The following PTN variants were observed in gnomAD, a reference collection of about 807,000 sequenced individuals.
The protein encoded by PTN is heparin affin regulatory protein.
PTN carries 18 observed loss-of-function variants against 24.1 expected under a neutral mutation model. That is an observed-to-expected ratio of 0.75 (90% CI 0.52 to 1.11). The LOEUF (loss-of-function observed/expected upper bound fraction) is 1.11, where lower values mean the gene tolerates loss of function less well. Among genes scored for constraint, PTN ranks in the 50% least tolerant of loss-of-function variants. The pLI is 0.00. For missense variants in PTN, 163 were observed against 198.8 expected (o/e 0.82, Z 1.08); for synonymous variants, 78 against 68.6 (o/e 1.14, Z -0.67).
intron 1 of PTN, among the ~76,000 whole-genome samples, chr7:137,313,964 T>G (rs1026964901): frequency 2.6e-5 from 4 of 152,164 alleles, no homozygotes; most frequent in African/African-American, 9.6e-5. Flanking sequence ...AGGTGCTGGT[T>G]TCTGAGAAGG....
chr7:137,312,752 TAA>T (rs1810005040), intron 1 of PTN, among the ~76,000 whole-genome samples: 1 of 152,152 alleles, frequency 6.6e-6, no homozygotes, highest in South Asian at 2.1e-4. Flanking sequence ...AAATTTTCAA[TAA>T]AGTTACACTC....
intron 1 of PTN, among the ~76,000 whole-genome samples, chr7:137,262,973 A>T (rs1044080816): frequency 6.6e-6 from 1 of 152,158 alleles, no homozygotes; most frequent in Non-Finnish European, 1.5e-5. Context: ...ATAAAACAAC[A>T]TGAGAGGGTC....
chr7:137,283,616 A>T (rs1809506839), intron 1 of PTN, among the ~76,000 whole-genome samples: 1 of 152,190 alleles, frequency 6.6e-6, no homozygotes, highest in Non-Finnish European at 1.5e-5. Flanking sequence ...GTGGCCTTAT[A>T]GTTTGATAAG....
At chr7:137,278,699 G>C (rs1809412395) in intron 1 of PTN, among the ~76,000 whole-genome samples, 1 of 151,654 alleles carries the variant, frequency 6.6e-6, no homozygotes, top group Non-Finnish European at 1.5e-5. Context: ...CCAGCACTTT[G>C]GGAGGCCAAA....
At chr7:137,316,037 C>T (rs1312836984) in intron 1 of PTN, among the ~76,000 whole-genome samples, 1 of 152,144 alleles carries the variant, frequency 6.6e-6, no homozygotes, top group African/African-American at 2.4e-5. Context: ...ATTTCTTGTG[C>T]TAACTGGGTG....
At chr7:137,289,481 G>A (rs1034262733) in intron 1 of PTN, among the ~76,000 whole-genome samples, 12 of 152,146 alleles carry the variant, frequency 7.9e-5, no homozygotes, top group African/African-American at 2.7e-4. Flanking sequence ...TGACATTAAG[G>A]TTCCAAATCA....
chr7:137,343,488 G>C lies in PTN; in HGVS notation c.-51C>G, dbSNP rs931226186. ...GCGCTCAGTCTGCCTTTGTTGCAAGGGGCGAGGTTGCTACCGCTGAGTCCA... is the reference window on the plus strand; with the variant it reads ...GCGCTCAGTCTGCCTTTGTTGCAAGCGGCGAGGTTGCTACCGCTGAGTCCA... On this transcript the variant is annotated 5_prime_UTR_variant, in exon 1 of 5. Transcript: ENST00000348225. The C allele has an allele frequency of 3.9e-6, 2 of 518,624 alleles. No homozygotes were observed. The highest frequency in any genetic ancestry group is 1.9e-5 in the Admixed American group (1 of 51,540). The allele number at this position is 518,624 out of a possible 1,614,324, so 32.1% of individuals were successfully genotyped here.
intron 4 of PTN, 149 bp downstream of exon 4, chr7:137,251,081 G>T: frequency 2.2e-6 from 2 of 912,508 alleles, no homozygotes; most frequent in Non-Finnish European, 3.3e-6. Context: ...TATTTTTAAA[G>T]TATTTTTGTG....
intron 1 of PTN, among the ~76,000 whole-genome samples, chr7:137,321,226 T>C (rs943566895): frequency 6.6e-6 from 1 of 152,196 alleles, no homozygotes; most frequent in Non-Finnish European, 1.5e-5. Context: ...AACTCTGAGG[T>C]TAATACCAGT....
At chr7:137,253,867 T>C (rs553266635) in intron 2 of PTN, among the ~76,000 whole-genome samples, 3 of 152,310 alleles carry the variant, frequency 2.0e-5, no homozygotes, top group African/African-American at 7.2e-5. Flanking sequence ...CTAATATTAA[T>C]TGAACTCCCT....
At chr7:137,232,335 G>A (rs143594035) in intron 4 of PTN, among the ~76,000 whole-genome samples, 102 of 152,010 alleles carry the variant, frequency 6.7e-4, no homozygotes, top group Middle Eastern at 3.4e-3. Context: ...TTAACTTCCT[G>A]GGTTTTCAAA....
chr7:137,274,561 G>A (rs1789060299), intron 1 of PTN, among the ~76,000 whole-genome samples: 2 of 151,642 alleles, frequency 1.3e-5, no homozygotes, highest in South Asian at 4.2e-4. Flanking sequence ...CCCTCCCTGT[G>A]TCCATGTGTT....
At chr7:137,289,960 AT>A (rs1019063934) in intron 1 of PTN, among the ~76,000 whole-genome samples, 4 of 152,168 alleles carry the variant, frequency 2.6e-5, no homozygotes, top group African/African-American at 9.7e-5. Context: ...GTATTAGTCC[AT>A]TTTCATGCTG....
chr7:137,296,979 T>C (rs1332016780), intron 1 of PTN, among the ~76,000 whole-genome samples: 1 of 152,026 alleles, frequency 6.6e-6, no homozygotes, highest in African/African-American at 2.4e-5. Flanking sequence ...GCACAAAAGA[T>C]TCAAAAAGTA....
rs1808366211 is a variant in PTN, at chr7:137,228,153, C to T, written c.452-78G>A. On this transcript the variant is annotated intron_variant, in intron 4 of 4. Coordinates refer to ENST00000348225, the MANE Select transcript of PTN (RefSeq NM_002825.7). ...TACTAAATTGCAGGGAAGAAATAGC[C>T]ACATTTCTTATAATTGACCAGACTG... The T allele has an allele frequency of 9.8e-6, 9 of 918,482 alleles. No homozygotes were observed. In the South Asian group the frequency reaches 1.3e-4, roughly 13 times the overall value. 56.9% of individuals were successfully genotyped at this position (918,482 alleles called of 1,614,324 possible). A position where few individuals can be genotyped will look rare whatever the true frequency, so the allele number is the denominator to read the frequency against.
At chr7:137,332,048 C>T (rs1273180187) in intron 1 of PTN, among the ~76,000 whole-genome samples, 1 of 152,116 alleles carries the variant, frequency 6.6e-6, no homozygotes, top group African/African-American at 2.4e-5. Flanking sequence ...CCATACCGAG[C>T]TAAATAAATT....
At chr7:137,234,630 G>A (rs1808487798) in intron 4 of PTN, among the ~76,000 whole-genome samples, 1 of 152,074 alleles carries the variant, frequency 6.6e-6, no homozygotes. Context: ...CAGATTGGAA[G>A]TGGGCCTTAA....
At chr7:137,310,353 T>G (rs1809959012) in intron 1 of PTN, among the ~76,000 whole-genome samples, 1 of 151,596 alleles carries the variant, frequency 6.6e-6, no homozygotes, top group South Asian at 2.1e-4. Flanking sequence ...ATTTTCAGAA[T>G]GGTCAGTGAG....
At chr7:137,260,040 A>G (rs1809006455) in intron 1 of PTN, among the ~76,000 whole-genome samples, 1 of 152,134 alleles carries the variant, frequency 6.6e-6, no homozygotes, top group Admixed American at 6.6e-5. Context: ...GCTAGTGGAA[A>G]ACATCAGCAA....
Sources: allele counts gnomAD v4.1 joint callset (sites outside exome capture counted in the v4.1 genomes callset), GRCh38; gene constraint gnomAD v4.1.1; transcripts MANE v1.5; gene names NCBI Gene and HGNC (gene_info 2026-07-23, HGNC 2026-07-21).